Variants in BST1 observed in about 807,000 individuals in gnomAD.
BST1 encodes the protein ADP-ribosyl cyclase/cyclic ADP-ribose hydrolase 2.
Under a neutral mutation model 40.6 loss-of-function variants are expected in BST1, and 49 were observed. The observed-to-expected ratio is 1.21, with a 90% CI of 0.96 to 1.53. The LOEUF (loss-of-function observed/expected upper bound fraction) is 1.53. Among genes scored for constraint, BST1 ranks in the 40% most tolerant of loss-of-function variants. BST1 has a pLI of 0.00. For missense variants in BST1, 423 were observed against 395.9 expected (o/e 1.07, Z -0.58); for synonymous variants, 157 against 159.3 (o/e 0.99, Z 0.11).
the BST1 span, among the ~76,000 whole-genome samples, chr4:15,746,362 C>A: frequency 6.6e-6 from 1 of 152,222 alleles, no homozygotes; most frequent in African/African-American, 2.4e-5. Context: ...GCTCCTATAA[C>A]ATAATACCAT....
the BST1 span, among the ~76,000 whole-genome samples, chr4:15,747,888 G>C: frequency 7.9e-5 from 12 of 152,066 alleles, no homozygotes; most frequent in African/African-American, 2.7e-4. Context: ...TGTTGCCAAG[G>C]CTGGTCTCGA....
intron 4 of BST1, among the ~76,000 whole-genome samples, chr4:15,714,997 A>G (rs1213159716): frequency 2.0e-5 from 3 of 152,224 alleles, no homozygotes; most frequent in African/African-American, 7.2e-5. Flanking sequence ...GTTCTTTGCT[A>G]AGGGAGCATA....
At chr4:15,722,818 T>A in intron 7 of BST1, 57 bp from the exon 8 acceptor site, 1 of 1,488,374 alleles carries the variant, frequency 6.7e-7, no homozygotes, top group Non-Finnish European at 9.4e-7. Context: ...AAGCCATAAA[T>A]GGTTGATGGA....
chr4:15,744,057 G>A, the BST1 span, among the ~76,000 whole-genome samples: 1 of 152,228 alleles, frequency 6.6e-6, no homozygotes, highest in African/African-American at 2.4e-5. Context: ...TTCCTTTTCT[G>A]GACATTTGAC....
chr4:15,717,924 C>A (rs1451032335), intron 6 of BST1, among the ~76,000 whole-genome samples: 1 of 152,086 alleles, frequency 6.6e-6, no homozygotes, highest in East Asian at 1.9e-4. Flanking sequence ...AGCTAACTTG[C>A]CTTTTTCTAT....
intron 3 of BST1, among the ~76,000 whole-genome samples, chr4:15,711,407 T>C (rs920719997): frequency 6.6e-6 from 1 of 152,328 alleles, no homozygotes; most frequent in Non-Finnish European, 1.5e-5. Flanking sequence ...ACTAAGATAA[T>C]GGCTAACAAT....
chr4:15,745,961 G>A, the BST1 span, among the ~76,000 whole-genome samples: 7 of 152,196 alleles, frequency 4.6e-5, no homozygotes, highest in Admixed American at 4.6e-4. Context: ...AAAGGTTAAG[G>A]TTCTTTTAGA....
chr4:15,755,370 C>T, the BST1 span, among the ~76,000 whole-genome samples: 2 of 152,160 alleles, frequency 1.3e-5, no homozygotes, highest in African/African-American at 4.8e-5. Context: ...AACTCCTGAC[C>T]TCTTGATCCG....
chr4:15,705,184 C>T (rs748882096), intron 1 of BST1, among the ~76,000 whole-genome samples: 2 of 151,858 alleles, frequency 1.3e-5, no homozygotes, highest in Admixed American at 6.6e-5. Flanking sequence ...CTGGCCCCAC[C>T]GTTAGGTCTA....
rs570765836 is a variant in BST1 at position 15,729,239 on chromosome 4, C to T, written c.852-2501C>T. On this transcript the variant is annotated intron_variant, in intron 8 of 8. Coordinates refer to ENST00000265016, the MANE Select transcript of BST1 (RefSeq NM_004334.3). ...GTTCAGTGCGGGAGGATCACTTGAA[C>T]CCAGGCATTCAAGACCAGCCTAGGC... Among the ~76,000 whole-genome samples, 5 of 152,178 alleles carry T rather than the reference C, an allele frequency of 3.3e-5. No homozygotes were observed. In the South Asian group the frequency reaches 1.0e-3, roughly 32 times the overall value.
At chr4:15,712,616 C>G (rs1275389080) in intron 4 of BST1, among the ~76,000 whole-genome samples, 2 of 152,224 alleles carry the variant, frequency 1.3e-5, no homozygotes, top group Non-Finnish European at 2.9e-5. Context: ...ATGTCTTTTT[C>G]AGTCCCATCT....
chr4:15,727,961 A>G (rs557712011), intron 8 of BST1, among the ~76,000 whole-genome samples: 41 of 151,702 alleles, frequency 2.7e-4, no homozygotes, highest in African/African-American at 9.2e-4. Flanking sequence ...TACAGCAAGC[A>G]GAAGACCCCA....
rs1022762279 is a variant in BST1, at chr4:15,705,407, A to C, written c.189-108A>C. On this transcript the variant is annotated intron_variant, in intron 1 of 8. Coordinates refer to ENST00000265016, the MANE Select transcript of BST1 (RefSeq NM_004334.3). ...GTCTTTTTTGTAAGCCTACTTCTGC[A>C]GTTACTATATGAAAAATCTCTTGTA... 6 of 1,269,146 alleles carry C rather than the reference A, an allele frequency of 4.7e-6. No homozygotes were observed. The African/African-American group carries it at 9.1e-5, about 19-fold the overall frequency. 78.6% of individuals were successfully genotyped at this position (1,269,146 alleles called of 1,614,324 possible).
intron 5 of BST1, 89 bp downstream of exon 5, chr4:15,715,450 G>A: frequency 7.4e-7 from 1 of 1,353,626 alleles, no homozygotes; most frequent in Non-Finnish European, 1.0e-6. Context: ...AATTATCCTA[G>A]TCCCCATCTC....
the BST1 span, among the ~76,000 whole-genome samples, chr4:15,747,230 C>A: frequency 3.3e-5 from 5 of 152,132 alleles, no homozygotes; most frequent in Non-Finnish European, 7.4e-5. Flanking sequence ...AAAGGTCAAG[C>A]AATATCCTTA....
chr4:15,760,635 T>C, the BST1 span, among the ~76,000 whole-genome samples: 1 of 151,510 alleles, frequency 6.6e-6, no homozygotes, highest in African/African-American at 2.4e-5. Flanking sequence ...GGTAAAAATA[T>C]AATTTTTCCT....
At chr4:15,734,027 G>C (rs753766283), downstream of BST1, among the ~76,000 whole-genome samples, 4 of 152,198 alleles carry the variant, frequency 2.6e-5, no homozygotes, top group Non-Finnish European at 5.9e-5. Flanking sequence ...CAGCAATAAA[G>C]GTAACTACCT....
At chr4:15,740,001 TAGAG>T (rs1159654381), downstream of BST1, among the ~76,000 whole-genome samples, 1 of 151,150 alleles carries the variant, frequency 6.6e-6, no homozygotes, top group Non-Finnish European at 1.5e-5. Context: ...GAGATAAGGA[TAGAG>T]AGAGACAGGG....
At chr4:15,704,498 T>G (rs1256965980) in intron 1 of BST1, among the ~76,000 whole-genome samples, 1 of 147,310 alleles carries the variant, frequency 6.8e-6, no homozygotes, top group Non-Finnish European at 1.5e-5. Context: ...GTGTGTGTAG[T>G]CTAGAGGTGA....
Sources: gnomAD v4.1 joint callset for allele counts (sites outside exome capture counted in the v4.1 genomes callset) on GRCh38, gnomAD v4.1.1 for gene constraint, MANE v1.5 for transcripts, NCBI Gene and HGNC (gene_info 2026-07-23, HGNC 2026-07-21) for gene names.